The following RAB3GAP1 variants were observed in gnomAD, a reference collection of about 807,000 sequenced individuals.
RAB3GAP1 encodes the protein RAB3 GTPase activating protein catalytic subunit 1.
Under a neutral mutation model 130.7 loss-of-function variants are expected in RAB3GAP1, and 86 were observed. The ratio of observed to expected loss-of-function variants is 0.66; its 90% CI spans 0.55 to 0.79. The LOEUF is 0.79. RAB3GAP1 is among the 30% of genes least tolerant of loss of function. RAB3GAP1 has a pLI of 0.00. For synonymous variants in RAB3GAP1, 367 were observed against 401.7 expected, an observed-to-expected ratio of 0.91 and a Z score of 1.03; for missense variants, 1,029 against 1,169.4, an observed-to-expected ratio of 0.88 and a Z score of 1.75.
At chr2:135,100,607 T>C (rs1690423436) in intron 5 of RAB3GAP1, among the ~76,000 whole-genome samples, 1 of 152,244 alleles carries the variant, frequency 6.6e-6, no homozygotes, top group Admixed American at 6.5e-5. Context: ...ACTTGACCTT[T>C]CTTAAAGTTT....
chr2:135,175,466 C>T (rs947343394), downstream of RAB3GAP1: 22 of 152,224 alleles, frequency 1.4e-4, no homozygotes, highest in Admixed American at 1.3e-3. Context: ...GTAATGGAAA[C>T]AATGCAACCA....
rs1351045525 is a variant in RAB3GAP1 at position 135,168,588 on chromosome 2, G to A, written c.2753G>A (p.Gly918Asp). Reference sequence around the variant, plus strand: ...CCAGAGGAGGAATTGAAGAGAATGGGCTCCCCAGAGGAAAGAAGGCAGAAC... The same window carrying A: ...CCAGAGGAGGAATTGAAGAGAATGGACTCCCCAGAGGAAAGAAGGCAGAAC... ...TPPEEELKRM[G>D]SPEERRQNSV... The change falls in exon 24 of 24, where the codon GGC (glycine) becomes GAC (aspartate). Residue 918 changes from glycine to aspartate, a missense_variant. Coordinates refer to ENST00000264158, the MANE Select transcript of RAB3GAP1 (RefSeq NM_012233.3). 2 of 1,614,202 alleles carry A rather than the reference G, an allele frequency of 1.2e-6. No homozygotes were observed. Among genetic ancestry groups the A allele is most frequent in the South Asian group, 2.2e-5 (2 of 91,086 alleles).
chr2:135,074,321 A>G (rs534586767), intron 3 of RAB3GAP1, among the ~76,000 whole-genome samples: 2 of 152,332 alleles, frequency 1.3e-5, no homozygotes, highest in African/African-American at 4.8e-5. Flanking sequence ...GGGACTTTCC[A>G]ACAGAAAGGA....
intron 5 of RAB3GAP1, among the ~76,000 whole-genome samples, chr2:135,095,269 C>T (rs948279408): frequency 6.6e-6 from 1 of 152,174 alleles, no homozygotes; most frequent in Admixed American, 6.5e-5. Flanking sequence ...AGGATGGTCT[C>T]GATCTCCTGA....
At position 135,135,260 on chromosome 2, in the gene RAB3GAP1, G is replaced by A; in HGVS notation, c.1500-5G>A. On this transcript the variant is annotated splice_region_variant and splice_polypyrimidine_tract_variant and intron_variant, in intron 15 of 23. Coordinates refer to ENST00000264158, the MANE Select transcript of RAB3GAP1 (RefSeq NM_012233.3). ...GCTTTCTTTTCTCCTTACTTTATTT[G>A]ATAGATTAGCAAGTGGACCCCCAGA... 6.2e-7 allele frequency: 1 copy of A among 1,606,780 alleles called. No homozygotes were observed. The highest frequency in any genetic ancestry group is 1.1e-5 in the South Asian group (1 of 90,912).
chr2:135,165,225 A>G (rs1558807233), intron 23 of RAB3GAP1: 1 of 439,406 alleles, frequency 2.3e-6, no homozygotes, highest in Non-Finnish European at 4.5e-6. Context: ...AAGAAAGCCC[A>G]GTTTGAAAAA....
intron 6 of RAB3GAP1, among the ~76,000 whole-genome samples, chr2:135,114,746 A>G (rs1690916073): frequency 6.6e-6 from 1 of 152,266 alleles, no homozygotes. Context: ...CTTCTGGGAA[A>G]ATACGTGTGT....
chr2:135,126,662 G>A lies in RAB3GAP1; in HGVS notation c.973+6G>A, dbSNP rs755133486. On this transcript the variant is annotated splice_donor_region_variant and intron_variant, in intron 11 of 23. Coordinates refer to ENST00000264158, the MANE Select transcript of RAB3GAP1 (RefSeq NM_012233.3). ...GAATCCTCAGTGTTTGCTAGGTAAGGTATATTATGCTCCTTTCCTGAAATA... is the reference window on the plus strand; with the variant it reads ...GAATCCTCAGTGTTTGCTAGGTAAGATATATTATGCTCCTTTCCTGAAATA... 1 of 1,602,602 alleles carries A rather than the reference G, an allele frequency of 6.2e-7. No homozygotes were observed. Among genetic ancestry groups the A allele is most frequent in the Non-Finnish European group, 8.5e-7 (1 of 1,169,668 alleles).
At chr2:135,173,195 G>A (rs745443107), downstream of RAB3GAP1, among the ~76,000 whole-genome samples, 10 of 151,954 alleles carry the variant, frequency 6.6e-5, no homozygotes, top group African/African-American at 1.7e-4. Flanking sequence ...ATACCCAAGC[G>A]GTTGGCTATA....
At chr2:135,104,736 A>AAAAT (rs1690543914) in intron 5 of RAB3GAP1, among the ~76,000 whole-genome samples, 1 of 151,368 alleles carries the variant, frequency 6.6e-6, no homozygotes, top group Non-Finnish European at 1.5e-5. Context: ...ATAAATAAAT[A>AAAAT]AAATTAGCTG....
At chr2:135,129,588 T>C (rs1332606981) in intron 11 of RAB3GAP1, among the ~76,000 whole-genome samples, 1 of 152,198 alleles carries the variant, frequency 6.6e-6, no homozygotes, top group Non-Finnish European at 1.5e-5. Context: ...TAGCGTTTCT[T>C]CTTAATTTTA....
At chr2:135,120,986 A>G in intron 8 of RAB3GAP1, 68 bp downstream of exon 8, 1 of 1,118,986 alleles carries the variant, frequency 8.9e-7, no homozygotes, top group Non-Finnish European at 1.4e-6. Flanking sequence ...TTCAGAAATT[A>G]AAATTACTTA....
chr2:135,130,188 G>A (rs1240429833), intron 12 of RAB3GAP1, 101 bp downstream of exon 12: 9 of 1,017,032 alleles, frequency 8.8e-6, no homozygotes, highest in Non-Finnish European at 1.4e-5. Flanking sequence ...TTTGAATTAA[G>A]TTGGATAATC....
chr2:135,165,841 G>T (rs532157085), intron 23 of RAB3GAP1, among the ~76,000 whole-genome samples: 32 of 152,230 alleles, frequency 2.1e-4, no homozygotes, highest in African/African-American at 7.7e-4. Flanking sequence ...CAATATGAAT[G>T]TTCCTCATAT....
Position 135,150,359 on chromosome 2 carries a change from T to G in RAB3GAP1, c.1924-10T>G. ...GCTGTTTATGAGCCTTGTCCTTTTG[T>G]GCTTCACAGGAACCAGCACCTATGA... On this transcript the variant is annotated splice_polypyrimidine_tract_variant and intron_variant, in intron 17 of 23. Transcript: ENST00000264158. The G allele has an allele frequency of 6.2e-7, 1 of 1,614,216 alleles. No individual in the cohort carries two copies. Among genetic ancestry groups the G allele is most frequent in the Non-Finnish European group, 8.5e-7 (1 of 1,180,032 alleles).
intron 18 of RAB3GAP1, 22 bp from the exon 19 acceptor site, chr2:135,153,627 G>A (rs576849015): frequency 5.6e-6 from 9 of 1,608,630 alleles, no homozygotes; most frequent in Non-Finnish European, 6.8e-6. Context: ...TGATTCTGCT[G>A]AATTTTTTTG....
At chr2:135,173,943 C>T (rs371471197), downstream of RAB3GAP1, among the ~76,000 whole-genome samples, 1 of 152,204 alleles carries the variant, frequency 6.6e-6, no homozygotes, top group East Asian at 1.9e-4. Flanking sequence ...CTCTAATTTA[C>T]GGTCATCTGG....
chr2:135,079,979 C>T (rs1169024899), intron 3 of RAB3GAP1, among the ~76,000 whole-genome samples: 1 of 151,892 alleles, frequency 6.6e-6, no homozygotes, highest in African/African-American at 2.4e-5. Context: ...TAGCCGGGCG[C>T]AGTGGCGGGC....
chr2:135,065,470 A>G (rs1335307824), intron 3 of RAB3GAP1, among the ~76,000 whole-genome samples: 1 of 152,202 alleles, frequency 6.6e-6, no homozygotes, highest in Admixed American at 6.5e-5. Flanking sequence ...CTATACATTA[A>G]ACAGATTTGC....
Sources: gnomAD v4.1 joint callset for allele counts (sites outside exome capture counted in the v4.1 genomes callset) on GRCh38, gnomAD v4.1.1 for gene constraint, MANE v1.5 for transcripts, NCBI Gene and HGNC (gene_info 2026-07-23, HGNC 2026-07-21) for gene names.